The following ATE1 variants were observed in gnomAD, a reference collection of about 807,000 sequenced individuals.
ATE1 encodes arginyltransferase 1, also known as arginyl-tRNA--protein transferase 1.
A neutral mutation model predicts 70.5 loss-of-function variants in ATE1; 36 were observed. The ratio of observed to expected loss-of-function variants is 0.51; its 90% CI spans 0.39 to 0.67. The LOEUF (loss-of-function observed/expected upper bound fraction) is 0.67. ATE1 is among the 30% of genes least tolerant of loss of function. The pLI, the probability that ATE1 is intolerant of heterozygous loss-of-function variation, is 0.00. For synonymous variants in ATE1, 232 were observed against 219.3 expected (o/e 1.06, Z -0.51); for missense variants, 593 against 629.5 (o/e 0.94, Z 0.62).
chr10:121,872,435 T>A (rs984697550), intron 7 of ATE1, among the ~76,000 whole-genome samples: 2 of 152,186 alleles, frequency 1.3e-5, no homozygotes, highest in African/African-American at 2.4e-5. Context: ...AAGACACACA[T>A]TGACACTCCT....
At chr10:121,908,458 C>T (rs533070316) in intron 5 of ATE1, among the ~76,000 whole-genome samples, 3 of 152,152 alleles carry the variant, frequency 2.0e-5, no homozygotes, top group African/African-American at 4.8e-5. Flanking sequence ...GAGCCCAGAC[C>T]GCGCCACAGC....
intron 10 of ATE1, among the ~76,000 whole-genome samples, chr10:121,808,993 T>C (rs572724552): frequency 4.6e-4 from 70 of 152,332 alleles, no homozygotes; most frequent in African/African-American, 1.6e-3. Flanking sequence ...ATCAGTTATT[T>C]TGAAAGTACT....
At chr10:121,873,540 C>G (rs1429178203) in intron 7 of ATE1, among the ~76,000 whole-genome samples, 1 of 151,852 alleles carries the variant, frequency 6.6e-6, no homozygotes, top group East Asian at 1.9e-4. Context: ...TCCAAGTGCA[C>G]AAAATTGTAG....
intron 5 of ATE1, among the ~76,000 whole-genome samples, chr10:121,906,284 T>C (rs1951186817): frequency 6.6e-6 from 1 of 151,906 alleles, no homozygotes; most frequent in Non-Finnish European, 1.5e-5. Flanking sequence ...TCCCAACACT[T>C]TGGGAGGCTG....
chr10:121,823,381 T>A (rs1417863172), intron 10 of ATE1, among the ~76,000 whole-genome samples: 1 of 150,620 alleles, frequency 6.6e-6, no homozygotes, highest in African/African-American at 2.4e-5. Context: ...ATGTAGGGAG[T>A]AGAGAAGGTG....
At chr10:121,825,001 CAAAGT>C (rs929155454) in intron 10 of ATE1, among the ~76,000 whole-genome samples, 12 of 146,854 alleles carry the variant, frequency 8.2e-5, no homozygotes, top group Admixed American at 4.7e-4. Flanking sequence ...AAAAAGGAGA[CAAAGT>C]AAAGAAAAAA....
intron 3 of ATE1, among the ~76,000 whole-genome samples, chr10:121,921,523 T>TA (rs1282647186): frequency 7.4e-6 from 1 of 134,260 alleles, no homozygotes; most frequent in Non-Finnish European, 1.6e-5. Flanking sequence ...AATGAGTTCA[T>TA]AGATTCCTGT....
chr10:121,920,203 T>C (rs1951823481), intron 3 of ATE1, among the ~76,000 whole-genome samples: 1 of 151,998 alleles, frequency 6.6e-6, no homozygotes, highest in Admixed American at 6.6e-5. Context: ...AAAAAAAGGT[T>C]CAGGTGCAGT....
At chr10:121,911,697 G>C (rs767437596) in intron 4 of ATE1, among the ~76,000 whole-genome samples, 1 of 151,960 alleles carries the variant, frequency 6.6e-6, no homozygotes, top group Non-Finnish European at 1.5e-5. Flanking sequence ...GTGGGGAGAA[G>C]AGTTGAACGC....
At chr10:121,902,311 G>A (rs1951012625) in intron 6 of ATE1, 80 bp downstream of exon 6, 1 of 1,249,616 alleles carries the variant, frequency 8.0e-7, no homozygotes, top group Non-Finnish European at 1.1e-6. Flanking sequence ...CAACTAATTA[G>A]AACTTCAAAT....
chr10:121,762,105 C>A (rs535706018), intron 11 of ATE1, among the ~76,000 whole-genome samples: 3 of 152,304 alleles, frequency 2.0e-5, no homozygotes, highest in African/African-American at 7.2e-5. Flanking sequence ...TTTCTGTCTT[C>A]GTCACCTTCA....
intron 8 of ATE1, among the ~76,000 whole-genome samples, chr10:121,853,809 T>C (rs1208671865): frequency 1.3e-5 from 2 of 152,192 alleles, no homozygotes; most frequent in African/African-American, 4.8e-5. Context: ...TTCTCGAGGC[T>C]GAGAAGTACA....
At position 121,740,681 on chromosome 10, in the gene ATE1, C is replaced by T. The variant is rs565269389; in HGVS notation, c.*2999G>A. Reference sequence around the variant, plus strand: ...TTCATATTCCTTATCTTTATTCATACTGAAATAATATAAAGCCTATAAAAT... The same window carrying T: ...TTCATATTCCTTATCTTTATTCATATTGAAATAATATAAAGCCTATAAAAT... On this transcript the variant is annotated 3_prime_UTR_variant, in exon 12 of 12. Transcript: ENST00000224652. 6.6e-6 allele frequency: 1 copy of T among 152,218 alleles called. No individual in the cohort carries two copies. Among genetic ancestry groups the T allele is most frequent in the East Asian group, 1.9e-4 (1 of 5,182 alleles). The allele number at this position is 152,218 out of a possible 1,614,324, so 9.4% of individuals were successfully genotyped here.
At chr10:121,786,040 TA>T (rs1258779613) in intron 11 of ATE1, among the ~76,000 whole-genome samples, 1 of 152,060 alleles carries the variant, frequency 6.6e-6, no homozygotes, top group Non-Finnish European at 1.5e-5. Context: ...TATTTGAATT[TA>T]AATTATTTTT....
intron 4 of ATE1, among the ~76,000 whole-genome samples, chr10:121,912,774 T>G (rs111794329): frequency 0.048 from 7,166 of 150,670 alleles, 510 homozygotes; most frequent in African/African-American, 0.15. Context: ...AGACAGAGTC[T>G]TGCTCTGTCA....
At chr10:121,782,161 T>C (rs1181740001) in intron 11 of ATE1, among the ~76,000 whole-genome samples, 1 of 152,242 alleles carries the variant, frequency 6.6e-6, no homozygotes, top group Non-Finnish European at 1.5e-5. Flanking sequence ...CTATTATGTC[T>C]GTCTGCGAGT....
intron 8 of ATE1, among the ~76,000 whole-genome samples, chr10:121,850,884 G>A (rs771517392): frequency 1.3e-5 from 2 of 151,958 alleles, no homozygotes; most frequent in Non-Finnish European, 2.9e-5. Context: ...GAGGTCAGGA[G>A]ATCGACACCA....
At chr10:121,779,809 C>T (rs1945904329) in intron 11 of ATE1, among the ~76,000 whole-genome samples, 1 of 152,120 alleles carries the variant, frequency 6.6e-6, no homozygotes, top group Admixed American at 6.5e-5. Flanking sequence ...CGATTCTAGT[C>T]CCACTAAAAC....
intron 8 of ATE1, among the ~76,000 whole-genome samples, chr10:121,861,509 G>A (rs369974146): frequency 3.4e-4 from 51 of 148,068 alleles, no homozygotes; most frequent in Middle Eastern, 7.0e-3. Context: ...ACCAAACACC[G>A]CATATTCTCA....
Sources: gnomAD v4.1 joint callset for allele counts (sites outside exome capture counted in the v4.1 genomes callset) on GRCh38, gnomAD v4.1.1 for gene constraint, MANE v1.5 for transcripts, NCBI Gene and HGNC (gene_info 2026-07-23, HGNC 2026-07-21) for gene names.